Variants in NOP56 observed in about 807,000 individuals in gnomAD.
NOP56 encodes the protein NOP56 ribonucleoprotein.
NOP56 carries 31 observed loss-of-function variants against 58.3 expected under a neutral mutation model. The observed-to-expected ratio is 0.53, with a 90% CI of 0.40 to 0.72. The LOEUF (loss-of-function observed/expected upper bound fraction) is 0.72. Among genes scored for constraint, NOP56 ranks in the 30% least tolerant of loss-of-function variants. The pLI, the probability that NOP56 is intolerant of heterozygous loss-of-function variation, is 0.00. For synonymous variants in NOP56, 313 were observed against 282.8 expected, an observed-to-expected ratio of 1.11 and a Z score of -1.07; for missense variants, 669 against 739.9, an observed-to-expected ratio of 0.90 and a Z score of 1.11.
rs983138366 is a variant in NOP56 at position 2,657,192 on chromosome 20, A to G, written c.1393A>G (p.Ser465Gly). ...ACTTGCCCTCGCGTCTTCAGAAAAC[A>G]GCAGTAGTACTCCAGAGGAGTGTGA... Reference protein sequence around the residue: ...AALALASSENSSSTPEECEEM... With the variant: ...AALALASSENGSSTPEECEEM... Residue 465 changes from serine (S) to glycine (G), a missense_variant, in exon 11 of 12, where the codon AGC (serine) becomes GGC (glycine). This residue lies in a region of NOP56 where 209 missense variants were observed against 196.2 expected (regional missense o/e 1.07). Transcript: ENST00000329276. 2 of 1,613,962 alleles carry G rather than the reference A, an allele frequency of 1.2e-6. No homozygotes were observed. The highest frequency in any genetic ancestry group is 1.7e-6 in the Non-Finnish European group (2 of 1,179,962).
At chr20:2,653,816 C>T (rs2086781954) in intron 3 of NOP56, 1 of 260,036 alleles carries the variant, frequency 3.8e-6, no homozygotes, top group Non-Finnish European at 7.7e-6. Context: ...CCACCACACC[C>T]GGCTAATTTT....
chr20:2,656,423 A>G lies in NOP56; in HGVS notation c.1033A>G (p.Thr345Ala). 2.5e-6 allele frequency: 4 copies of G among 1,614,150 alleles called. No individual in the cohort carries two copies. Among genetic ancestry groups the G allele is most frequent in the Non-Finnish European group, 3.4e-6 (4 of 1,180,026 alleles). Residue 345 changes from threonine (T) to alanine (A), a missense_variant, in exon 9 of 12, where the codon ACT becomes GCT. Physicochemically the swap from Thr to Ala is moderately conservative, Grantham distance 58 (BLOSUM62 0). Transcript: ENST00000329276. Reference protein sequence around the residue: ...LFRALKTRGNTPKYGLIFHST... With the variant: ...LFRALKTRGNAPKYGLIFHST... ...CAGAGCCCTGAAGACAAGGGGTAAC[A>G]CTCCAAAATATGGACTCATTTTCCA... is the stretch of plus-strand genomic sequence containing the variant.
intron 10 of NOP56, 22 bp downstream of exon 10, chr20:2,656,917 G>A (rs2086828923): frequency 1.2e-6 from 2 of 1,614,020 alleles, no homozygotes; most frequent in Non-Finnish European, 8.5e-7. Context: ...TTTGCTGGGT[G>A]TGGAGTGGCA....
chr20:2,657,188 A>G lies in NOP56; in HGVS notation c.1389A>G (p.Glu463=). Residue 463 remains glutamate, a synonymous_variant, in exon 11 of 12, where the codon GAA becomes GAG. Transcript: ENST00000329276. ...RLAALALASS[E]NSSSTPEECE... is the part of the protein sequence containing the mutation. ...CTGCACTTGCCCTCGCGTCTTCAGA[A>G]AACAGCAGTAGTACTCCAGAGGAGT... The G allele has an allele frequency of 6.2e-7, 1 of 1,614,194 alleles. No homozygotes were observed. The highest frequency in any genetic ancestry group is 8.5e-7 in the Non-Finnish European group (1 of 1,180,032).
chr20:2,654,996 CAGTTAATTTTG>C, intron 5 of NOP56, 49 bp downstream of exon 5: 1 of 1,604,960 alleles, frequency 6.2e-7, no homozygotes, highest in South Asian at 1.1e-5. Context: ...GTCTGTAGTT[CAGTTAATTTTG>C]AGTCTTGATG....
Position 2,657,186 on chromosome 20 carries a change from G to C in NOP56, c.1387G>C (p.Glu463Gln). Residue 463 changes from glutamate to glutamine, a missense_variant, in exon 11 of 12, where the codon GAA becomes CAA. Transcript: ENST00000329276. ...GGCTGCACTTGCCCTCGCGTCTTCA[G>C]AAAACAGCAGTAGTACTCCAGAGGA... is the stretch of plus-strand genomic sequence containing the variant. Reference protein sequence around the residue: ...RLAALALASSENSSSTPEECE... With the variant: ...RLAALALASSQNSSSTPEECE... 6.2e-7 allele frequency: 1 copy of C among 1,614,180 alleles called. No individual in the cohort carries two copies. The highest frequency in any genetic ancestry group is 8.5e-7 in the Non-Finnish European group (1 of 1,180,042).
chr20:2,654,697 G>A, intron 4 of NOP56, 52 bp from the exon 5 acceptor site: 2 of 1,609,004 alleles, frequency 1.2e-6, no homozygotes, highest in Admixed American at 1.7e-5. Flanking sequence ...GCCCGTGGGT[G>A]CGGGAGCTAG....
At chr20:2,652,781 G>C (rs1239334686) in intron 1 of NOP56, 61 bp from the exon 2 acceptor site, 1 of 1,565,274 alleles carries the variant, frequency 6.4e-7, no homozygotes, top group Non-Finnish European at 8.6e-7. Context: ...GCCTGCCCTG[G>C]GAACGGGTTC....
Position 2,657,976 on chromosome 20 carries a change from G to C in NOP56, c.1467G>C (p.Glu489Asp). 6.2e-7 allele frequency: 1 copy of C among 1,605,860 alleles called. No individual in the cohort carries two copies. The highest frequency in any genetic ancestry group is 8.5e-7 in the Non-Finnish European group (1 of 1,174,792). Residue 489 changes from glutamate to aspartate, a missense_variant, in exon 12 of 12, where the codon GAG (glutamate) becomes GAC (aspartate). By Grantham distance (45) the Glu-to-Asp change is conservative (BLOSUM62 2). Around this residue, in one of 3 missense-constraint regions of NOP56, gnomAD observed 209 missense variants for 196.2 expected, o/e 1.07. Coordinates refer to ENST00000329276, the MANE Select transcript of NOP56 (RefSeq NM_006392.4). ...AGAAGAAAAAGCAAAAGCCCCAGGA[G>C]GTTCCTCAGGAGAATGGAATGGAAG... ...PKKKKKQKPQEVPQENGMEDP... is the reference protein window; with the variant it reads ...PKKKKKQKPQDVPQENGMEDP...
At chr20:2,655,276 G>A in intron 5 of NOP56, 49 bp from the exon 6 acceptor site, 1 of 1,608,110 alleles carries the variant, frequency 6.2e-7, no homozygotes, top group Non-Finnish European at 8.5e-7. Context: ...GTAGCTCTAT[G>A]GTTTTTGATG....
In NOP56 at chr20:2,654,295, G is replaced by C. The variant is rs534281812; in HGVS notation, c.209-119G>C. On this transcript the variant is annotated intron_variant, in intron 3 of 11. Transcript: ENST00000329276. Reference sequence around the variant, plus strand: ...TCCATGTCTCTGAGCAATGCCTGATGGGGAGGGATCTAGGTATGCCATCCC... The same window carrying C: ...TCCATGTCTCTGAGCAATGCCTGATCGGGAGGGATCTAGGTATGCCATCCC... 10 of 990,312 alleles carry C rather than the reference G, an allele frequency of 1.0e-5. No homozygotes were observed. In the South Asian group the frequency reaches 1.2e-4, roughly 11 times the overall value. The allele number at this position is 990,312 out of a possible 1,614,324, so 61.3% of individuals were successfully genotyped here.
chr20:2,657,601 C>T (rs1365434059), intron 11 of NOP56: 4 of 503,584 alleles, frequency 7.9e-6, no homozygotes, highest in Non-Finnish European at 7.1e-6. Flanking sequence ...CAATCATTCT[C>T]CCTGAGATTT....
intron 11 of NOP56, chr20:2,657,570 G>A: frequency 3.8e-6 from 2 of 522,420 alleles, no homozygotes; most frequent in Non-Finnish European, 6.9e-6. Flanking sequence ...GGGGCAGGGA[G>A]GTCCCCAATG....
In NOP56 at chr20:2,655,127, G is replaced by A. The variant is rs762429433; in HGVS notation, c.569+180G>A. 7.5e-5 allele frequency: 79 copies of A among 1,051,644 alleles called. No individual in the cohort carries two copies. In the East Asian group the frequency reaches 1.7e-3, roughly 23 times the overall value. The allele number at this position is 1,051,644 out of a possible 1,614,324, so 65.1% of individuals were successfully genotyped here. ...ACTGACTGTATAGAAAGAGGAGGTA[G>A]AGTAAACCTACCCCATATACACCTC... On this transcript the variant is annotated intron_variant, in intron 5 of 11. Coordinates refer to ENST00000329276, the MANE Select transcript of NOP56 (RefSeq NM_006392.4).
intron 11 of NOP56, 113 bp from the exon 12 acceptor site, chr20:2,657,816 C>G: frequency 8.2e-7 from 1 of 1,224,658 alleles, no homozygotes; most frequent in South Asian, 1.6e-5. Context: ...ATTAAACTAT[C>G]CCAGAAACAC....
chr20:2,657,739 TCATGA>T, intron 11 of NOP56, 185 bp from the exon 12 acceptor site: 1 of 642,268 alleles, frequency 1.6e-6, no homozygotes, highest in Non-Finnish European at 2.6e-6. Flanking sequence ...AGGTAATTTC[TCATGA>T]CATGTTTTCC....
intron 8 of NOP56, 24 bp downstream of exon 8, chr20:2,656,058 C>T (rs189968432): frequency 1.2e-6 from 2 of 1,614,054 alleles, no homozygotes; most frequent in East Asian, 4.5e-5. Context: ...CACCTGCCCA[C>T]AATCAGGTGC....
In NOP56 at chr20:2,656,558, G is replaced by T. The variant is rs116626054; in HGVS notation, c.1159+9G>T. 45 of 1,612,704 alleles carry T rather than the reference G, an allele frequency of 2.8e-5. No individual in the cohort carries two copies. The highest frequency in any genetic ancestry group is 6.7e-5 in the East Asian group (3 of 44,874). On this transcript the variant is annotated intron_variant, in intron 9 of 11. Coordinates refer to ENST00000329276, the MANE Select transcript of NOP56 (RefSeq NM_006392.4). ...AATCGATTGCTTCTCTGGTATGGGT[G>T]GGGGGGCGTTGGCAGGTGTGAGAAG... is the stretch of plus-strand genomic sequence containing the variant.
chr20:2,655,923 T>C lies in NOP56; in HGVS notation c.910-11T>C. Reference sequence around the variant, plus strand: ...TCATTTCTCTGACTGCTTCCTTGACTCTCTCTCCAGGTAGGTGCACGTCTC... The same window carrying C: ...TCATTTCTCTGACTGCTTCCTTGACCCTCTCTCCAGGTAGGTGCACGTCTC... On this transcript the variant is annotated splice_polypyrimidine_tract_variant and intron_variant, in intron 7 of 11. Transcript: ENST00000329276. 2 of 1,613,928 alleles carry C rather than the reference T, an allele frequency of 1.2e-6. No homozygotes were observed. Among genetic ancestry groups the C allele is most frequent in the Non-Finnish European group, 1.7e-6 (2 of 1,179,828 alleles).
Sources: allele counts gnomAD v4.1 joint callset, GRCh38; gene constraint gnomAD v4.1.1; regional missense constraint gnomAD v4.1.1; transcripts MANE v1.5; gene names NCBI Gene and HGNC (gene_info 2026-07-23, HGNC 2026-07-21).